MAP3K3: variants seen among roughly 807,000 people sequenced by gnomAD.
The protein encoded by MAP3K3 is MAP/ERK kinase kinase 3.
A neutral mutation model predicts 80.9 loss-of-function variants in MAP3K3; 12 were observed. That is an observed-to-expected ratio of 0.15 (90% CI 0.10 to 0.24). MAP3K3 has a LOEUF of 0.24. Among genes scored for constraint, MAP3K3 ranks in the 10% least tolerant of loss-of-function variants. The pLI is 1.00. For synonymous variants in MAP3K3, 272 were observed against 307.1 expected (o/e 0.89, Z 1.19); for missense variants, 596 against 834.7 (o/e 0.71, Z 3.52).
intron 2 of MAP3K3, among the ~76,000 whole-genome samples, chr17:63,642,221 T>G (rs2034457088): frequency 6.6e-6 from 1 of 152,208 alleles, no homozygotes; most frequent in Non-Finnish European, 1.5e-5. Context: ...AGCAGTGATT[T>G]GTGGTTTGGA....
intron 1 of MAP3K3, among the ~76,000 whole-genome samples, chr17:63,630,196 T>C (rs1258621348): frequency 1.3e-5 from 2 of 152,182 alleles, no homozygotes; most frequent in African/African-American, 4.8e-5. Context: ...CAATTTTATA[T>C]ATATTTAATA....
At position 63,688,791 on chromosome 17, in the gene MAP3K3, C is replaced by A. The variant is rs146112270; in HGVS notation, c.781C>A (p.Arg261=). ...FPDNRQEYSD[R]ETQLYDKGVK... is the part of the protein sequence containing the mutation. ...AGTGATTCCCCTGTCTTACTCAGAT[C>A]GGGAAACTCAGCTTTATGACAAAGG... Residue 261 remains arginine (R), a splice_region_variant and synonymous_variant, in exon 10 of 16, where the codon CGG becomes AGG. Coordinates refer to ENST00000361733, the MANE Select transcript of MAP3K3 (RefSeq NM_002401.5). 4 of 1,610,340 alleles carry A rather than the reference C, an allele frequency of 2.5e-6. No homozygotes were observed. Among genetic ancestry groups the A allele is most frequent in the East Asian group, 4.5e-5 (2 of 44,874 alleles).
At chr17:63,679,957 G>A (rs2035297260) in intron 6 of MAP3K3, among the ~76,000 whole-genome samples, 1 of 152,196 alleles carries the variant, frequency 6.6e-6, no homozygotes, top group Admixed American at 6.5e-5. Flanking sequence ...AGCTGAAGGG[G>A]GAGGATTGCC....
intron 2 of MAP3K3, among the ~76,000 whole-genome samples, chr17:63,640,139 G>C (rs1315920878): frequency 6.6e-6 from 1 of 152,186 alleles, no homozygotes; most frequent in African/African-American, 2.4e-5. Context: ...ACTGAGCCAG[G>C]CATGGTGACA....
chr17:63,677,011 C>T (rs567589055), intron 6 of MAP3K3, among the ~76,000 whole-genome samples: 2 of 152,342 alleles, frequency 1.3e-5, no homozygotes, highest in South Asian at 2.1e-4. Flanking sequence ...ATCCATCTTA[C>T]GCCTACCCCA....
intron 5 of MAP3K3, among the ~76,000 whole-genome samples, chr17:63,663,234 G>A (rs979042889): frequency 6.6e-6 from 1 of 152,102 alleles, no homozygotes; most frequent in Non-Finnish European, 1.5e-5. Flanking sequence ...CAGGCGTGGT[G>A]GCTCATGCCT....
chr17:63,677,521 A>G (rs950795679), intron 6 of MAP3K3, among the ~76,000 whole-genome samples: 2 of 152,226 alleles, frequency 1.3e-5, no homozygotes, highest in Non-Finnish European at 2.9e-5. Flanking sequence ...GTAGCAAGGG[A>G]AACAGCCAGG....
intron 3 of MAP3K3, 146 bp from the exon 4 acceptor site, chr17:63,652,411 A>G: frequency 1.6e-6 from 1 of 626,834 alleles, no homozygotes; most frequent in Non-Finnish European, 2.8e-6. Context: ...AGAGGAAAAA[A>G]GGAAACAATC....
Position 63,692,129 on chromosome 17 carries a change from A to C in MAP3K3, c.1475-113A>C. The C allele has an allele frequency of 8.0e-7, 1 of 1,243,892 alleles. No individual in the cohort carries two copies. Among genetic ancestry groups the C allele is most frequent in the South Asian group, 1.3e-5 (1 of 78,748 alleles). The allele number at this position is 1,243,892 out of a possible 1,614,324, so 77.1% of individuals were successfully genotyped here. On this transcript the variant is annotated intron_variant, in intron 14 of 15. Transcript: ENST00000361733. This position sits in a 1 kb window ranked among gnomAD's most constrained non-coding sequence, Gnocchi z 4.5. The stretch of plus-strand genomic sequence containing the variant: ...CCTTTGCCCTTTGCAGTTCATGTCT[A>C]ATTCAGTGGTAGCCCTGCCCTCTCC...
intron 6 of MAP3K3, among the ~76,000 whole-genome samples, chr17:63,678,219 A>G (rs2035259563): frequency 6.6e-6 from 1 of 152,096 alleles, no homozygotes. Context: ...GGGTGTAGTA[A>G]GGGTTAAATG....
chr17:63,687,878 C>T (rs1342065926), intron 8 of MAP3K3, among the ~76,000 whole-genome samples: 1 of 150,974 alleles, frequency 6.6e-6, no homozygotes, highest in African/African-American at 2.4e-5. Context: ...GTAGAGGTTG[C>T]GGTGAGCTGA....
chr17:63,636,186 G>A (rs2034319530), intron 2 of MAP3K3, among the ~76,000 whole-genome samples: 2 of 152,198 alleles, frequency 1.3e-5, no homozygotes, highest in South Asian at 4.1e-4. Flanking sequence ...CAAGACTTGA[G>A]ACATCCTTTT....
Position 63,665,379 on chromosome 17 carries a change from A to G in MAP3K3, c.382-1561A>G, listed in dbSNP as rs113247774. ...ACGGGGTTCCACTGTGCTAGCCAGG[A>G]TGGTCTTGATCTCCTGACCTCATGA... On this transcript the variant is annotated intron_variant, in intron 5 of 15. Transcript: ENST00000361733. Among the ~76,000 whole-genome samples, 1,392 of 152,040 alleles carry G rather than the reference A, an allele frequency of 9.2e-3. 21 individuals are homozygous for G. The highest frequency in any genetic ancestry group is 0.031 in the African/African-American group (1,303 of 41,512).
chr17:63,676,805 G>A (rs1378800391), intron 6 of MAP3K3, among the ~76,000 whole-genome samples: 1 of 152,216 alleles, frequency 6.6e-6, no homozygotes, highest in Admixed American at 6.5e-5. Flanking sequence ...CATCGGCAAA[G>A]CTGGAGACCA....
intron 3 of MAP3K3, among the ~76,000 whole-genome samples, chr17:63,648,802 G>A (rs935021034): frequency 2.6e-5 from 4 of 152,050 alleles, no homozygotes; most frequent in South Asian, 2.1e-4. Context: ...GGGACAGAGC[G>A]AGACTCCATC....
intron 6 of MAP3K3, among the ~76,000 whole-genome samples, chr17:63,670,307 G>A (rs1249987205): frequency 1.3e-5 from 2 of 152,164 alleles, no homozygotes; most frequent in Non-Finnish European, 2.9e-5. Context: ...AATGGGCTGG[G>A]CATGGTGGCT....
chr17:63,666,467 C>T (rs534542993), intron 5 of MAP3K3, among the ~76,000 whole-genome samples: 6 of 152,210 alleles, frequency 3.9e-5, no homozygotes, highest in African/African-American at 1.4e-4. Flanking sequence ...GACTCTGTAT[C>T]AATCAATCAG....
At chr17:63,663,096 G>C (rs1277829475) in intron 5 of MAP3K3, among the ~76,000 whole-genome samples, 2 of 152,172 alleles carry the variant, frequency 1.3e-5, no homozygotes, top group Non-Finnish European at 2.9e-5. Context: ...GAACTTGTGA[G>C]ATGTTGTATC....
chr17:63,648,388 G>A lies in MAP3K3; in HGVS notation c.167+2314G>A, dbSNP rs1314005273. ...CACTGTTGCTGAGGCCTTGAAGAAG[G>A]AGGGGTATGATTTGCTATTAGGCAT... On this transcript the variant is annotated intron_variant, in intron 3 of 15. Transcript: ENST00000361733. 5.3e-5 allele frequency among the ~76,000 whole-genome samples: 8 copies of A among 152,318 alleles called. No individual in the cohort carries two copies. The East Asian group carries it at 5.8e-4, about 11-fold the overall frequency.
Sources: gnomAD v4.1 joint callset for allele counts (sites outside exome capture counted in the v4.1 genomes callset) on GRCh38, gnomAD v4.1.1 for gene constraint, Gnocchi (gnomAD v3.1) non-coding constraint, MANE v1.5 for transcripts, NCBI Gene and HGNC (gene_info 2026-07-23, HGNC 2026-07-21) for gene names.